The following ZMYND8 variants were observed in gnomAD, a reference collection of about 807,000 sequenced individuals.
ZMYND8 encodes zinc finger MYND-type containing 8.
ZMYND8 carries 37 observed loss-of-function variants against 140.8 expected under a neutral mutation model. That is an observed-to-expected ratio of 0.26 (90% CI 0.20 to 0.35). The LOEUF (loss-of-function observed/expected upper bound fraction) is 0.35, where lower values mean the gene tolerates loss of function less well. Among genes scored for constraint, ZMYND8 ranks in the 10% least tolerant of loss-of-function variants. ZMYND8 has a pLI of 1.00. For synonymous variants in ZMYND8, 592 were observed against 597.1 expected (o/e 0.99, Z 0.12); for missense variants, 1,068 against 1,570.0 (o/e 0.68, Z 5.40).
At chr20:47,330,603 A>G (rs891385160) in intron 2 of ZMYND8, among the ~76,000 whole-genome samples, 12 of 152,120 alleles carry the variant, frequency 7.9e-5, no homozygotes, top group Non-Finnish European at 1.0e-4. Flanking sequence ...AATATGTCAG[A>G]AAGCAAAGAA....
intron 8 of ZMYND8, chr20:47,285,645 T>G: frequency 1.0e-6 from 1 of 976,198 alleles, no homozygotes; most frequent in Non-Finnish European, 1.2e-6. Context: ...GTAGTTTTAT[T>G]CCTAAAAATT....
intron 8 of ZMYND8, among the ~76,000 whole-genome samples, chr20:47,283,995 T>C (rs1381449495): frequency 1.3e-5 from 2 of 152,060 alleles, no homozygotes; most frequent in Non-Finnish European, 2.9e-5. Flanking sequence ...CGATCTGGGC[T>C]CATTGCAACT....
chr20:47,269,049 A>G (rs1377542918), intron 11 of ZMYND8, among the ~76,000 whole-genome samples: 1 of 151,946 alleles, frequency 6.6e-6, no homozygotes, highest in Non-Finnish European at 1.5e-5. Flanking sequence ...AAAATAAAAA[A>G]CCAGCCAGGT....
chr20:47,347,897 T>C lies in ZMYND8; in HGVS notation c.44A>G (p.Gln15Arg). The part of the protein sequence containing the change: ...SLAEEEIKTE[Q>R]EVVEGMDIST... ...GATATCCATGCCCTCTACCACCTCC[T>C]GTTCTGTTTTTATTTCCTCTTCAGC... Residue 15 changes from glutamine (Q) to arginine (R), a missense_variant, in exon 2 of 23, where the codon CAG (glutamine) becomes CGG (arginine). By Grantham distance (43) the Gln-to-Arg change is conservative. Around this residue, in one of 10 missense-constraint regions of ZMYND8, gnomAD observed 77 missense variants for 85.1 expected, o/e 0.91. Transcript: ENST00000471951. The C allele has an allele frequency of 1.2e-6, 2 of 1,614,034 alleles. No individual in the cohort carries two copies. Among genetic ancestry groups the C allele is most frequent in the Non-Finnish European group, 1.7e-6 (2 of 1,180,032 alleles).
intron 12 of ZMYND8, among the ~76,000 whole-genome samples, chr20:47,257,728 C>T (rs1201172933): frequency 1.3e-5 from 2 of 151,908 alleles, no homozygotes; most frequent in Non-Finnish European, 2.9e-5. Flanking sequence ...ACTTATATAC[C>T]ATATATTCTT....
chr20:47,219,288 C>T (rs1272153203), intron 21 of ZMYND8, among the ~76,000 whole-genome samples: 1 of 151,562 alleles, frequency 6.6e-6, no homozygotes, highest in Non-Finnish European at 1.5e-5. Context: ...AAACTCCTGA[C>T]CTTGTGATCC....
chr20:47,305,277 C>T (rs1464956864), intron 3 of ZMYND8, among the ~76,000 whole-genome samples: 1 of 150,898 alleles, frequency 6.6e-6, no homozygotes, highest in East Asian at 1.9e-4. Flanking sequence ...GACAGAGTCT[C>T]GCTCTGTCAC....
intron 12 of ZMYND8, among the ~76,000 whole-genome samples, chr20:47,251,424 A>C (rs564210944): frequency 1.3e-5 from 2 of 151,950 alleles, no homozygotes; most frequent in Non-Finnish European, 2.9e-5. Flanking sequence ...CCATCTCTAC[A>C]AAAAATACAA....
chr20:47,220,342 A>G lies in ZMYND8; in HGVS notation c.3418-18T>C, dbSNP rs1568893588. ...TCAAGGGTCTAGAAATACAAAAAGA[A>G]AAAGATGGACTCAAGGCACTGAGGC... is the stretch of plus-strand genomic sequence containing the variant. On this transcript the variant is annotated intron_variant, in intron 20 of 22. Transcript: ENST00000471951. 6.5e-7 allele frequency: 1 copy of G among 1,549,926 alleles called. No homozygotes were observed. Among genetic ancestry groups the G allele is most frequent in the African/African-American group, 1.4e-5 (1 of 73,180 alleles).
intron 1 of ZMYND8, among the ~76,000 whole-genome samples, chr20:47,351,283 CAA>C (rs754485784): frequency 2.3e-4 from 35 of 151,908 alleles, no homozygotes; most frequent in Non-Finnish European, 2.8e-4. Context: ...TCAACACTTC[CAA>C]GAGAGAGAAA....
intron 3 of ZMYND8, among the ~76,000 whole-genome samples, chr20:47,304,625 A>T (rs112219812): frequency 2.0e-5 from 3 of 152,260 alleles, no homozygotes; most frequent in African/African-American, 7.2e-5. Flanking sequence ...CCACACAGGG[A>T]CCATACCTGA....
chr20:47,275,032 C>T (rs1352010422), intron 11 of ZMYND8, among the ~76,000 whole-genome samples: 1 of 152,008 alleles, frequency 6.6e-6, no homozygotes, highest in Non-Finnish European at 1.5e-5. Flanking sequence ...AGGAAGGAAG[C>T]GAGTGTGAAA....
At chr20:47,345,189 C>T (rs6012162) in intron 2 of ZMYND8, among the ~76,000 whole-genome samples, 1 of 152,066 alleles carries the variant, frequency 6.6e-6, no homozygotes, top group Non-Finnish European at 1.5e-5. Flanking sequence ...GAAATGACTC[C>T]TTCAGACTCC....
At chr20:47,238,624 C>A in intron 15 of ZMYND8, 134 bp downstream of exon 15, 7 of 1,438,664 alleles carry the variant, frequency 4.9e-6, no homozygotes, top group Admixed American at 4.1e-5. Context: ...ATGGAATGTG[C>A]AAGGCCTTCA....
intron 8 of ZMYND8, chr20:47,285,920 G>A (rs1375607531): frequency 1.2e-6 from 1 of 856,772 alleles, no homozygotes; most frequent in Non-Finnish European, 1.4e-6. Flanking sequence ...GCCGGGCTTG[G>A]TGGCTGAGGC....
chr20:47,210,730 T>TG lies in ZMYND8; in HGVS notation c.*30dup. On this transcript the variant is annotated 3_prime_UTR_variant, in exon 23 of 23. Transcript: ENST00000471951. ...CCTGGCGTCTGGGTTTTTCTCCCAA[T>TG]GGGGTGGGTGGTTTGTGTCCCGATT... 2 of 1,613,994 alleles carry TG rather than the reference T, an allele frequency of 1.2e-6. No homozygotes were observed. The highest frequency in any genetic ancestry group is 1.7e-6 in the Non-Finnish European group (2 of 1,179,950).
At chr20:47,302,049 T>C (rs987787320) in intron 3 of ZMYND8, among the ~76,000 whole-genome samples, 5 of 152,250 alleles carry the variant, frequency 3.3e-5, no homozygotes, top group African/African-American at 4.8e-5. Context: ...GTAAGTTTCC[T>C]GAGGCCTCCC....
intron 5 of ZMYND8, 74 bp from the exon 6 acceptor site, chr20:47,291,962 G>A (rs1389259325): frequency 2.2e-5 from 29 of 1,334,612 alleles, no homozygotes; most frequent in Non-Finnish European, 2.8e-5. Flanking sequence ...GCTAACAAAA[G>A]GCTTGAAAAA....
chr20:47,307,769 G>A (rs1397969593), intron 3 of ZMYND8, among the ~76,000 whole-genome samples: 2 of 151,986 alleles, frequency 1.3e-5, no homozygotes, highest in Admixed American at 1.3e-4. Context: ...AAAGGTTGCA[G>A]AGAGCCAAGA....
Sources: allele counts gnomAD v4.1 joint callset (sites outside exome capture counted in the v4.1 genomes callset), GRCh38; gene constraint gnomAD v4.1.1; regional missense constraint gnomAD v4.1.1; transcripts MANE v1.5; gene names NCBI Gene and HGNC (gene_info 2026-07-23, HGNC 2026-07-21).